The following TBC1D9B variants were observed in gnomAD, a reference collection of about 807,000 sequenced individuals.
The protein encoded by TBC1D9B is TBC1 domain family, member 9B (with GRAM domain).
A neutral mutation model predicts 121.1 loss-of-function variants in TBC1D9B; 87 were observed. That is an observed-to-expected ratio of 0.72 (90% CI 0.60 to 0.86). The LOEUF (loss-of-function observed/expected upper bound fraction) is 0.86. Among genes scored for constraint, TBC1D9B ranks in the 40% least tolerant of loss-of-function variants. The pLI is 0.00. For synonymous variants in TBC1D9B, 668 were observed against 670.1 expected (o/e 1.00, Z 0.05); for missense variants, 1,540 against 1,628.6 (o/e 0.95, Z 0.94).
In TBC1D9B at chr5:179,891,731, G is replaced by A; in HGVS notation, c.837-145C>T. On this transcript the variant is annotated intron_variant, in intron 5 of 20. Transcript: ENST00000355235. This position sits in a 1 kb window ranked among gnomAD's most constrained non-coding sequence, Gnocchi z 4.3. ...TGGTCCCTTGAGCAAGTCATGCTCA[G>A]GGACCTCAGAGTTCAATAAAAGATG... The A allele has an allele frequency of 1.2e-6, 1 of 808,482 alleles. No individual in the cohort carries two copies. Among genetic ancestry groups the A allele is most frequent in the African/African-American group, 1.7e-5 (1 of 58,076 alleles). 50.1% of individuals were successfully genotyped at this position (808,482 alleles called of 1,614,324 possible).
In TBC1D9B at chr5:179,875,035, C is replaced by A. The variant is rs1304439065; in HGVS notation, c.2053G>T (p.Val685Leu). ...FLSVMPFESA[V>L]VIVDCFFYEG... is the part of the protein sequence containing the mutation. ...TAGAAAAAGCAGTCGACGATGACCA[C>A]GGCGCTCTCGAAGGGCATGACGCTG... The change falls in exon 12 of 21, where the codon GTG (valine) becomes TTG (leucine). Residue 685 changes from valine to leucine, a missense_variant. Transcript: ENST00000355235. The surrounding 1 kb of genome is among the most constrained non-coding windows in gnomAD (Gnocchi z 4.5). 6 of 1,614,086 alleles carry A rather than the reference C, an allele frequency of 3.7e-6. No homozygotes were observed. The East Asian group carries it at 8.9e-5, about 24-fold the overall frequency.
chr5:179,868,193 G>A (rs974392107), intron 17 of TBC1D9B: 5 of 167,924 alleles, frequency 3.0e-5, no homozygotes, highest in Admixed American at 6.2e-5. Flanking sequence ...GTGAGCCACC[G>A]CACCCAGCCT....
intron 7 of TBC1D9B, chr5:179,887,666 A>G (rs1220584661): frequency 5.0e-6 from 1 of 198,186 alleles, no homozygotes; most frequent in Non-Finnish European, 1.0e-5. Flanking sequence ...TGAATACAAT[A>G]TTTGGTGATA....
rs2113635612 is a variant in TBC1D9B at position 179,890,743 on chromosome 5, T to C, written c.1044+636A>G. 6.6e-6 allele frequency among the ~76,000 whole-genome samples: 1 copy of C among 152,286 alleles called. No individual in the cohort carries two copies. The highest frequency in any genetic ancestry group is 2.4e-5 in the African/African-American group (1 of 41,556). ...ACCTGTCCTGACTCAGTCTCATGCC[T>C]TCTATTTGGGCAAGGGCCCTTGTCC... On this transcript the variant is annotated intron_variant, in intron 6 of 20. Transcript: ENST00000355235. The surrounding 1 kb of genome is among the most constrained non-coding windows in gnomAD (Gnocchi z 5.0).
At chr5:179,896,317 G>T (rs956852070) in intron 3 of TBC1D9B, among the ~76,000 whole-genome samples, 1 of 152,168 alleles carries the variant, frequency 6.6e-6, no homozygotes, top group Non-Finnish European at 1.5e-5. Context: ...GAACCTAAAT[G>T]GGGAGAAGGA....
rs1760878134 is a variant in TBC1D9B at position 179,891,882 on chromosome 5, C to T, written c.837-296G>A. On this transcript the variant is annotated intron_variant, in intron 5 of 20. Coordinates refer to ENST00000355235, the MANE Select transcript of TBC1D9B (RefSeq NM_015043.4). The surrounding 1 kb of genome is among the most constrained non-coding windows in gnomAD (Gnocchi z 4.3). Reference sequence around the variant, plus strand: ...AGATGCTGGCCTGGGCAATGTGCAACCCATCCCTCGGTACTGATGGGCAAG... The same window carrying T: ...AGATGCTGGCCTGGGCAATGTGCAATCCATCCCTCGGTACTGATGGGCAAG... 1.3e-5 allele frequency among the ~76,000 whole-genome samples: 2 copies of T among 152,178 alleles called. No individual in the cohort carries two copies. Among genetic ancestry groups the T allele is most frequent in the African/African-American group, 4.8e-5 (2 of 41,448 alleles).
At chr5:179,894,326 G>A in intron 4 of TBC1D9B, 60 bp downstream of exon 4, 4 of 1,467,900 alleles carry the variant, frequency 2.7e-6, no homozygotes, top group African/African-American at 1.4e-5. Context: ...GTATCTGGGG[G>A]CCGAAGGCAG....
At chr5:179,905,949 G>A (rs947795458) in intron 1 of TBC1D9B, among the ~76,000 whole-genome samples, 1 of 152,100 alleles carries the variant, frequency 6.6e-6, no homozygotes, top group Non-Finnish European at 1.5e-5. Context: ...GCGCCATCTC[G>A]GCTCACTGCA....
rs775399946 is a variant in TBC1D9B at position 179,888,120 on chromosome 5, C to T, written c.1237G>A (p.Val413Met). The T allele has an allele frequency of 6.8e-6, 11 of 1,613,742 alleles. No individual in the cohort carries two copies. In the East Asian group the frequency reaches 2.2e-4, roughly 33 times the overall value. ...CTTCTCACCTCTGTGCTAGGGTCCACAACACTGGCTTTCCTGCTCCCGATA... is the reference window on the plus strand; with the variant it reads ...CTTCTCACCTCTGTGCTAGGGTCCATAACACTGGCTTTCCTGCTCCCGATA... ...GSIGSRKASVVDPSTESSPAP... is the reference protein window; with the variant it reads ...GSIGSRKASVMDPSTESSPAP... The change falls in exon 7 of 21, where the codon GTG (valine) becomes ATG (methionine). Residue 413 changes from valine (V) to methionine (M), a missense_variant. By Grantham distance (21) the Val-to-Met change is conservative. Coordinates refer to ENST00000355235, the MANE Select transcript of TBC1D9B (RefSeq NM_015043.4).
At position 179,874,779 on chromosome 5, in the gene TBC1D9B, C is replaced by T; in HGVS notation, c.2186+123G>A. 1 of 1,428,324 alleles carries T rather than the reference C, an allele frequency of 7.0e-7. No individual in the cohort carries two copies. The highest frequency in any genetic ancestry group is 2.2e-5 in the Admixed American group (1 of 46,132). The allele number at this position is 1,428,324 out of a possible 1,614,324, so 88.5% of individuals were successfully genotyped here. A position where few individuals can be genotyped will look rare whatever the true frequency, so the allele number is the denominator to read the frequency against. ...GCCGCCTCCTGACCCCAGAGCACCC[C>T]CGGGTCCAGCTGCAGCCTGGCACTT... On this transcript the variant is annotated intron_variant, in intron 12 of 20. Coordinates refer to ENST00000355235, the MANE Select transcript of TBC1D9B (RefSeq NM_015043.4). This position sits in a 1 kb window ranked among gnomAD's most constrained non-coding sequence, Gnocchi z 4.3.
chr5:179,880,750 A>T (rs1561640269), intron 7 of TBC1D9B, among the ~76,000 whole-genome samples: 2 of 151,936 alleles, frequency 1.3e-5, no homozygotes, highest in African/African-American at 4.8e-5. Flanking sequence ...GGAAAAAAAA[A>T]AAGAGAGAAC....
In TBC1D9B at chr5:179,879,780, C is replaced by G; in HGVS notation, c.1264G>C (p.Ala422Pro). Residue 422 changes from alanine to proline, a missense_variant, in exon 8 of 21, where the codon GCT becomes CCT. Transcript: ENST00000355235. ...VVDPSTESSP[A>P]PQEGSEQPAS... ...GGCTGCTCCGACCCCTCCTGAGGAG[C>G]TGGGGAAGACTAGAAAATAAAACAG... is the stretch of plus-strand genomic sequence containing the variant. 6.2e-7 allele frequency: 1 copy of G among 1,609,526 alleles called. No individual in the cohort carries two copies. Among genetic ancestry groups the G allele is most frequent in the Non-Finnish European group, 8.5e-7 (1 of 1,178,046 alleles).
intron 5 of TBC1D9B, among the ~76,000 whole-genome samples, chr5:179,892,114 A>T (rs1760883851): frequency 6.6e-6 from 1 of 152,256 alleles, no homozygotes; most frequent in Non-Finnish European, 1.5e-5. Context: ...GGCCTGGCCC[A>T]GGCCCTCACC....
chr5:179,897,007 T>C (rs917002221), intron 3 of TBC1D9B, among the ~76,000 whole-genome samples: 5 of 151,096 alleles, frequency 3.3e-5, no homozygotes, highest in East Asian at 2.0e-4. Context: ...CCCAGGTTCA[T>C]GCCATTCTCC....
Position 179,875,182 on chromosome 5 carries a change from G to A in TBC1D9B, c.1906C>T (p.Leu636=), listed in dbSNP as rs965763326. 6.2e-7 allele frequency: 1 copy of A among 1,612,612 alleles called. No homozygotes were observed. Among genetic ancestry groups the A allele is most frequent in the Non-Finnish European group, 8.5e-7 (1 of 1,179,784 alleles). The change falls in exon 12 of 21, where the codon CTG becomes TTG. Residue 636 remains leucine (L), a synonymous_variant. Transcript: ENST00000355235. The surrounding 1 kb of genome is among the most constrained non-coding windows in gnomAD (Gnocchi z 4.5). The stretch of plus-strand genomic sequence containing the variant: ...TCTTCGAAGATGCCTTGGTCCACCA[G>A]GGCTCCTGCGGGCAGGATGAGCGAG... The part of the protein sequence containing the change: ...DYYNTRVVGA[L]VDQGIFEELT...
In TBC1D9B at chr5:179,891,024, G is replaced by A. The variant is rs1289914433; in HGVS notation, c.1044+355C>T. 6.6e-6 allele frequency among the ~76,000 whole-genome samples: 1 copy of A among 152,220 alleles called. No homozygotes were observed. The highest frequency in any genetic ancestry group is 2.4e-5 in the African/African-American group (1 of 41,470). Reference sequence around the variant, plus strand: ...ACATATGGGACCGGTGCAGGAACACGGTCCTCTAAGCGCAGCCACGGAGCA... The same window carrying A: ...ACATATGGGACCGGTGCAGGAACACAGTCCTCTAAGCGCAGCCACGGAGCA... On this transcript the variant is annotated intron_variant, in intron 6 of 20. Coordinates refer to ENST00000355235, the MANE Select transcript of TBC1D9B (RefSeq NM_015043.4). The surrounding 1 kb of genome is among the most constrained non-coding windows in gnomAD (Gnocchi z 4.3).
At position 179,875,935 on chromosome 5, in the gene TBC1D9B, T is replaced by C. The variant is rs1277730262; in HGVS notation, c.1885A>G (p.Asn629Asp). ...LCERMLPDYYNTRVVGALVDQ... is the reference protein window; with the variant it reads ...LCERMLPDYYDTRVVGALVDQ... ...GGACACTCACCCACCACCCTGGTGTTGTAGTAGTCGGGCAGCATGCGCTCG... is the reference window on the plus strand; with the variant it reads ...GGACACTCACCCACCACCCTGGTGTCGTAGTAGTCGGGCAGCATGCGCTCG... Residue 629 changes from asparagine (N) to aspartate (D), a missense_variant, in exon 11 of 21, where the codon AAC (asparagine) becomes GAC (aspartate). Transcript: ENST00000355235. The surrounding 1 kb of genome is among the most constrained non-coding windows in gnomAD (Gnocchi z 4.5). 5.0e-6 allele frequency: 8 copies of C among 1,607,438 alleles called. No individual in the cohort carries two copies. Among genetic ancestry groups the C allele is most frequent in the Non-Finnish European group, 6.8e-6 (8 of 1,177,678 alleles).
Position 179,865,659 on chromosome 5 carries a change from T to G in TBC1D9B, c.2914+179A>C, listed in dbSNP as rs558714032. The G allele has an allele frequency of 1.4e-6, 1 of 708,980 alleles. No homozygotes were observed. The highest frequency in any genetic ancestry group is 1.9e-5 in the South Asian group (1 of 53,862). The allele number at this position is 708,980 out of a possible 1,614,324, so 43.9% of individuals were successfully genotyped here. A position where few individuals can be genotyped will look rare whatever the true frequency, so the allele number is the denominator to read the frequency against. On this transcript the variant is annotated intron_variant, in intron 19 of 20. Coordinates refer to ENST00000355235, the MANE Select transcript of TBC1D9B (RefSeq NM_015043.4). This position sits in a 1 kb window ranked among gnomAD's most constrained non-coding sequence, Gnocchi z 5.1. ...CAAGAGAGGGCTGGCTGGGTGCCCG[T>G]GGGGCTGGTGGAGAGCGTGGAGCCT...
At chr5:179,872,409 TG>T (rs981212778) in intron 14 of TBC1D9B, 5 of 170,468 alleles carry the variant, frequency 2.9e-5, no homozygotes, top group African/African-American at 1.2e-4. Context: ...GGGCTGGGAA[TG>T]TGGAAACAAT....
Sources: gnomAD v4.1 joint callset for allele counts (sites outside exome capture counted in the v4.1 genomes callset) on GRCh38, gnomAD v4.1.1 for gene constraint, Gnocchi (gnomAD v3.1) non-coding constraint, MANE v1.5 for transcripts, NCBI Gene and HGNC (gene_info 2026-07-23, HGNC 2026-07-21) for gene names.